Variants in ATAD2B observed in about 807,000 individuals in gnomAD.
ATAD2B encodes the protein ATPase family AAA domain-containing protein 2B.
Under a neutral mutation model 167.6 loss-of-function variants are expected in ATAD2B, and 40 were observed. The ratio of observed to expected loss-of-function variants is 0.24; its 90% CI spans 0.19 to 0.31. ATAD2B has a LOEUF of 0.31. ATAD2B is among the 10% of genes least tolerant of loss of function. The pLI is 1.00. For synonymous variants in ATAD2B, 579 were observed against 596.5 expected (o/e 0.97, Z 0.43); for missense variants, 1,242 against 1,757.2 (o/e 0.71, Z 5.24).
chr2:23,696,279 C>T, the ATAD2B span: 19 of 1,525,380 alleles, frequency 1.2e-5, no homozygotes, highest in Admixed American at 5.9e-5. This position sits in a 1 kb window ranked among gnomAD's most constrained non-coding sequence, Gnocchi z 5.5. Context: ...GGCCTGCTGA[C>T]CCCAGGCCCC....
the ATAD2B span, among the ~76,000 whole-genome samples, chr2:23,719,168 A>C: frequency 1.3e-5 from 2 of 152,218 alleles, no homozygotes; most frequent in Non-Finnish European, 2.9e-5. Context: ...CTAGGCCAGG[A>C]CTTTTGGTCT....
chr2:23,701,793 C>CTTTT, the ATAD2B span, among the ~76,000 whole-genome samples: 1 of 22,536 alleles, frequency 4.4e-5, no homozygotes, highest in African/African-American at 1.2e-4. Context: ...CTTTTTTTTG[C>CTTTT]TTTTTTTTTT....
intron 1 of ATAD2B, among the ~76,000 whole-genome samples, chr2:23,925,531 T>C (rs1265184750): frequency 1.3e-5 from 2 of 152,210 alleles, no homozygotes; most frequent in Admixed American, 1.3e-4. Context: ...GAACAGCTTT[T>C]TCCAGCCAAA....
the ATAD2B span, among the ~76,000 whole-genome samples, chr2:23,731,642 T>C: frequency 1.3e-5 from 2 of 152,240 alleles, no homozygotes; most frequent in Admixed American, 1.3e-4. Context: ...GTGGAAATTA[T>C]TTTTAATAAA....
chr2:23,822,553 T>TA (rs1469998774), intron 16 of ATAD2B, among the ~76,000 whole-genome samples: 4 of 150,670 alleles, frequency 2.7e-5, no homozygotes, highest in African/African-American at 9.8e-5. Context: ...TCAAAAAAAA[T>TA]AAATTACCAG....
Position 23,884,799 on chromosome 2 carries a change from A to T in ATAD2B, c.750T>A (p.Asn250Lys). Residue 250 changes from asparagine (N) to lysine (K), a missense_variant, in exon 6 of 28, where the codon AAT becomes AAA. Around this residue, in one of 9 missense-constraint regions of ATAD2B, gnomAD observed 99 missense variants for 160.4 expected, o/e 0.62. Coordinates refer to ENST00000238789, the MANE Select transcript of ATAD2B (RefSeq NM_017552.4). The stretch of plus-strand genomic sequence containing the variant: ...CACCCTCAGTAGAAACTTCATGATG[A>T]TTTTGTATCCCATAACTATTTCTTC... Reference protein sequence around the residue: ...SLRRNSYGIQNHHEVSTEGEE... With the variant: ...SLRRNSYGIQKHHEVSTEGEE... The T allele has an allele frequency of 6.3e-7, 1 of 1,597,982 alleles. No homozygotes were observed. Among genetic ancestry groups the T allele is most frequent in the East Asian group, 2.3e-5 (1 of 44,306 alleles).
At chr2:23,882,735 A>T (rs1406470557) in intron 6 of ATAD2B, among the ~76,000 whole-genome samples, 1 of 151,512 alleles carries the variant, frequency 6.6e-6, no homozygotes, top group Non-Finnish European at 1.5e-5. Flanking sequence ...GCATGAACCC[A>T]GGAGGCGGAG....
In ATAD2B at chr2:23,885,774, G is replaced by T; in HGVS notation, c.628C>A (p.Arg210=). Residue 210 remains arginine (R), a synonymous_variant, in exon 5 of 28, where the codon CGA becomes AGA. Coordinates refer to ENST00000238789, the MANE Select transcript of ATAD2B (RefSeq NM_017552.4). ...CGAAGTCGTTCTACTTCTCCTGATC[G>T]ACGATTCCGTCGGATGTTAATGTTG... ...MDNINIRRNR[R]SGEVERLRMW... 1 of 1,599,450 alleles carries T rather than the reference G, an allele frequency of 6.3e-7. No individual in the cohort carries two copies. The highest frequency in any genetic ancestry group is 1.1e-5 in the South Asian group (1 of 88,512).
At chr2:23,715,644 A>G in the ATAD2B span, among the ~76,000 whole-genome samples, 1 of 152,206 alleles carries the variant, frequency 6.6e-6, no homozygotes, top group African/African-American at 2.4e-5. Context: ...ATTGGTATTA[A>G]TAGACAGCTA....
the ATAD2B span, among the ~76,000 whole-genome samples, chr2:23,694,568 A>C: frequency 1.3e-5 from 2 of 152,178 alleles, no homozygotes; most frequent in Non-Finnish European, 2.9e-5. Flanking sequence ...GTCCTTGTTG[A>C]GCATGAGCAT....
At chr2:23,881,360 C>CT (rs11361642) in intron 6 of ATAD2B, among the ~76,000 whole-genome samples, 69 of 80,156 alleles carry the variant, frequency 8.6e-4, no homozygotes, top group African/African-American at 1.1e-3. Context: ...GTGATCAATT[C>CT]TTTTTTTTTT....
At chr2:23,754,409 G>A (rs1675709493) in intron 26 of ATAD2B, 102 bp from the exon 27 acceptor site, 1 of 1,267,952 alleles carries the variant, frequency 7.9e-7, no homozygotes. Context: ...AAGCGAGGAT[G>A]TAACAGTGAA....
chr2:23,792,493 C>A, intron 19 of ATAD2B, among the ~76,000 whole-genome samples: 1 of 149,374 alleles, frequency 6.7e-6, no homozygotes, highest in African/African-American at 2.5e-5. Context: ...AACTTAAGAT[C>A]TCAATAACAA....
rs777026702 is a variant in ATAD2B, at chr2:23,908,905, G to A, written c.217-12935C>T. 3.9e-4 allele frequency among the ~76,000 whole-genome samples: 58 copies of A among 146,958 alleles called. 1 individual carries two copies. The highest frequency in any genetic ancestry group is 1.1e-3 in the Admixed American group (16 of 14,466). On this transcript the variant is annotated intron_variant, in intron 1 of 27. Coordinates refer to ENST00000238789, the MANE Select transcript of ATAD2B (RefSeq NM_017552.4). ...CGCAAGAAAAAAAAAAACAAACACCGCATATTCTCACTCATAGGTGGGAAT... is the reference window on the plus strand; with the variant it reads ...CGCAAGAAAAAAAAAAACAAACACCACATATTCTCACTCATAGGTGGGAAT...
intron 18 of ATAD2B, chr2:23,809,103 A>C (rs1685122226): frequency 6.6e-6 from 1 of 152,054 alleles, no homozygotes; most frequent in South Asian, 2.1e-4. Context: ...ATATTTTTCT[A>C]CTAAATCATT....
the ATAD2B span, among the ~76,000 whole-genome samples, chr2:23,715,303 G>C: frequency 6.6e-6 from 1 of 152,042 alleles, no homozygotes; most frequent in Non-Finnish European, 1.5e-5. Flanking sequence ...GGCCAGGCAC[G>C]GTGGCTCACG....
In ATAD2B at chr2:23,824,842, T is replaced by C. The variant is rs935760695; in HGVS notation, c.1820-1273A>G. Among the ~76,000 whole-genome samples, 9 of 152,334 alleles carry C rather than the reference T, an allele frequency of 5.9e-5. No individual in the cohort carries two copies. In the East Asian group the frequency reaches 1.5e-3, roughly 26 times the overall value. ...TGTTTTCCCTGTTGGCAATTAAACT[T>C]GCATTTGGCCACAATTATCAGTTAT... On this transcript the variant is annotated intron_variant, in intron 15 of 27. Coordinates refer to ENST00000238789, the MANE Select transcript of ATAD2B (RefSeq NM_017552.4).
At chr2:23,847,638 A>G (rs950929419) in intron 13 of ATAD2B, among the ~76,000 whole-genome samples, 15 of 151,748 alleles carry the variant, frequency 9.9e-5, no homozygotes, top group African/African-American at 3.6e-4. Flanking sequence ...TGGTGAAGGG[A>G]ATGAGACGCT....
chr2:23,730,665 C>CAAAAAA, the ATAD2B span, among the ~76,000 whole-genome samples: 8 of 31,972 alleles, frequency 2.5e-4, no homozygotes, highest in East Asian at 1.2e-3. Flanking sequence ...GACTCCGTTT[C>CAAAAAA]AAAAAAAAAA....
Sources: gnomAD v4.1 joint callset for allele counts (sites outside exome capture counted in the v4.1 genomes callset) on GRCh38, gnomAD v4.1.1 for gene constraint, gnomAD v4.1.1 regional missense constraint, Gnocchi (gnomAD v3.1) non-coding constraint, MANE v1.5 for transcripts, NCBI Gene and HGNC (gene_info 2026-07-23, HGNC 2026-07-21) for gene names.